Variants in TLK2 observed in about 807,000 individuals in gnomAD.
The protein encoded by TLK2 is tousled like kinase 2, also known as serine/threonine-protein kinase tousled-like 2.
TLK2 carries 6 observed loss-of-function variants against 117.3 expected under a neutral mutation model. The observed-to-expected ratio is 0.05, with a 90% CI of 0.03 to 0.10. The LOEUF (loss-of-function observed/expected upper bound fraction) is 0.10. Ranked by LOEUF, TLK2 falls within the 10% of genes least tolerant of loss-of-function variation. The pLI is 1.00. For synonymous variants in TLK2, 257 were observed against 316.7 expected, an observed-to-expected ratio of 0.81 and a Z score of 2.00; for missense variants, 299 against 901.2, an observed-to-expected ratio of 0.33 and a Z score of 8.56.
At chr17:62,502,411 T>TTATCAGA (rs2074278934) in intron 2 of TLK2, among the ~76,000 whole-genome samples, 1 of 152,178 alleles carries the variant, frequency 6.6e-6, no homozygotes, top group Non-Finnish European at 1.5e-5. Context: ...ATAAAAGGCA[T>TTATCAGA]TTATGAAAAA....
intron 2 of TLK2, among the ~76,000 whole-genome samples, chr17:62,519,096 G>T (rs1439422100): frequency 6.6e-6 from 1 of 152,252 alleles, no homozygotes; most frequent in South Asian, 2.1e-4. Context: ...TGTTGGCCAG[G>T]CTGGTCTCTA....
At chr17:62,530,000 C>G (rs1022572314) in intron 6 of TLK2, among the ~76,000 whole-genome samples, 1 of 151,972 alleles carries the variant, frequency 6.6e-6, no homozygotes. Context: ...CTCAGGAGTT[C>G]GAGACCAGCC....
At chr17:62,546,849 C>T (rs1460278338) in intron 7 of TLK2, among the ~76,000 whole-genome samples, 2 of 151,942 alleles carry the variant, frequency 1.3e-5, no homozygotes, top group East Asian at 1.9e-4. Flanking sequence ...CATGAGACAC[C>T]GCACCCGGCC....
intron 2 of TLK2, among the ~76,000 whole-genome samples, chr17:62,514,522 A>G (rs1211234137): frequency 6.6e-6 from 1 of 152,024 alleles, no homozygotes; most frequent in African/African-American, 2.4e-5. Flanking sequence ...ATACAGTTTC[A>G]AAAACTTTTT....
chr17:62,611,527 C>A (rs1242135284), intron 21 of TLK2, among the ~76,000 whole-genome samples: 1 of 152,186 alleles, frequency 6.6e-6, no homozygotes, highest in Non-Finnish European at 1.5e-5. Flanking sequence ...CATCGATATC[C>A]CCTGCCAGAG....
intron 1 of TLK2, among the ~76,000 whole-genome samples, chr17:62,479,625 G>C (rs2071373563): frequency 6.6e-6 from 1 of 152,152 alleles, no homozygotes; most frequent in Non-Finnish European, 1.5e-5. Flanking sequence ...TGGGCCTGGA[G>C]TTGGGGAAAG....
chr17:62,522,304 T>C (rs1484509767), intron 4 of TLK2, 31 bp downstream of exon 4: 1 of 1,595,688 alleles, frequency 6.3e-7, no homozygotes, highest in South Asian at 1.1e-5. Flanking sequence ...ACAAAAGTAC[T>C]CAATTCTAAT....
intron 15 of TLK2, among the ~76,000 whole-genome samples, chr17:62,584,704 C>T (rs1371802111): frequency 1.3e-5 from 2 of 152,098 alleles, no homozygotes; most frequent in African/African-American, 4.8e-5. Flanking sequence ...GATATTATGT[C>T]TGAAGTGAGT....
At chr17:62,504,530 A>G (rs1477218274) in intron 2 of TLK2, among the ~76,000 whole-genome samples, 1 of 152,156 alleles carries the variant, frequency 6.6e-6, no homozygotes, top group Non-Finnish European at 1.5e-5. Context: ...TAGGCAGGGC[A>G]TGGTGGCTCA....
At chr17:62,472,053 C>G (rs1169536784) in intron 1 of TLK2, among the ~76,000 whole-genome samples, 5 of 150,906 alleles carry the variant, frequency 3.3e-5, no homozygotes, top group African/African-American at 1.2e-4. Context: ...CTACAGGCGC[C>G]CCCCCACCAT....
intron 15 of TLK2, among the ~76,000 whole-genome samples, chr17:62,582,971 A>G (rs1417587229): frequency 6.6e-6 from 1 of 152,152 alleles, no homozygotes; most frequent in Non-Finnish European, 1.5e-5. Flanking sequence ...CTTCCTTTTT[A>G]AGATCACTTA....
intron 7 of TLK2, among the ~76,000 whole-genome samples, chr17:62,547,141 A>C (rs554841921): frequency 6.6e-6 from 1 of 152,182 alleles, no homozygotes; most frequent in Non-Finnish European, 1.5e-5. Flanking sequence ...TTGTCATTTC[A>C]TACTATAAAC....
intron 21 of TLK2, 69 bp from the exon 22 acceptor site, chr17:62,612,323 G>T: frequency 6.6e-7 from 1 of 1,515,998 alleles, no homozygotes; most frequent in Non-Finnish European, 8.9e-7. Context: ...AGCCGATAGA[G>T]AGCCTTAGGG....
At chr17:62,580,437 T>C (rs2081125430) in intron 15 of TLK2, among the ~76,000 whole-genome samples, 1 of 112,252 alleles carries the variant, frequency 8.9e-6, no homozygotes, top group South Asian at 3.1e-4. Context: ...GAAGGAAATA[T>C]ACTGGGTCGT....
chr17:62,528,621 T>C (rs2076536619), intron 6 of TLK2, among the ~76,000 whole-genome samples: 1 of 152,138 alleles, frequency 6.6e-6, no homozygotes, highest in Admixed American at 6.5e-5. Flanking sequence ...TTCGCCATGT[T>C]GGCCAGGCTG....
intron 2 of TLK2, among the ~76,000 whole-genome samples, chr17:62,487,048 C>T (rs185292172): frequency 6.6e-6 from 1 of 152,278 alleles, no homozygotes; most frequent in African/African-American, 2.4e-5. Flanking sequence ...AATCCCAGCA[C>T]TTTGGGAGGC....
Position 62,496,135 on chromosome 17 carries a change from T to C in TLK2, c.81+14929T>C, listed in dbSNP as rs564481202. ...TGAGAGATATATCTGCAAATACTTA[T>C]GTATATTCAACCCTTCCATTTTTAA... On this transcript the variant is annotated intron_variant, in intron 2 of 21. Coordinates refer to ENST00000346027, the MANE Select transcript of TLK2 (RefSeq NM_006852.6). Among the ~76,000 whole-genome samples, 35 of 152,324 alleles carry C rather than the reference T, an allele frequency of 2.3e-4. No individual in the cohort carries two copies. In the South Asian group the frequency reaches 6.0e-3, roughly 26 times the overall value.
intron 11 of TLK2, among the ~76,000 whole-genome samples, chr17:62,570,847 A>G (rs2080230885): frequency 6.6e-6 from 1 of 152,218 alleles, no homozygotes; most frequent in Non-Finnish European, 1.5e-5. Context: ...GATTATTTTC[A>G]TGTTTGATGA....
rs540906438 is a variant in TLK2, at chr17:62,479,525, G to C, written c.-6+235G>C. 2.8e-3 allele frequency among the ~76,000 whole-genome samples: 427 copies of C among 152,184 alleles called. 2 individuals are homozygous for C. Among genetic ancestry groups the C allele is most frequent in the Non-Finnish European group, 3.5e-3 (238 of 67,946 alleles). ...CGGCCTGGGATTGGGGCCGGCGGCC[G>C]GAGGAGAGACGGGGGCCCCCAGGCA... On this transcript the variant is annotated intron_variant, in intron 1 of 21. Transcript: ENST00000346027.
Sources: gnomAD v4.1 joint callset for allele counts (sites outside exome capture counted in the v4.1 genomes callset) on GRCh38, gnomAD v4.1.1 for gene constraint, MANE v1.5 for transcripts, NCBI Gene and HGNC (gene_info 2026-07-23, HGNC 2026-07-21) for gene names.